The following MTUS1 variants were observed in gnomAD, a reference collection of about 807,000 sequenced individuals.
MTUS1 encodes the protein microtubule associated scaffold protein 1.
A neutral mutation model predicts 120.8 loss-of-function variants in MTUS1; 109 were observed. That is an observed-to-expected ratio of 0.90 (90% CI 0.77 to 1.06). The LOEUF is 1.06. Ranked by LOEUF, MTUS1 falls within the 50% of genes least tolerant of loss-of-function variation. The probability of loss-of-function intolerance (pLI) is 0.00; values close to 1 mark genes in which losing one functional copy is unlikely to be tolerated. For synonymous variants in MTUS1, 737 were observed against 550.5 expected (o/e 1.34, Z -4.74); for missense variants, 2,210 against 1,486.3 (o/e 1.49, Z -8.01).
intron 6 of MTUS1, among the ~76,000 whole-genome samples, chr8:17,693,877 C>T (rs1216035204): frequency 1.3e-5 from 2 of 152,128 alleles, no homozygotes; most frequent in East Asian, 1.9e-4. Context: ...ACTCATCTAA[C>T]GGGTACTTCT....
rs1806599712 is a variant in MTUS1, at chr8:17,649,838, A to T, written c.3501+8T>A. 1 of 1,442,690 alleles carries T rather than the reference A, an allele frequency of 6.9e-7. No individual in the cohort carries two copies. Among genetic ancestry groups the T allele is most frequent in the East Asian group, 2.3e-5 (1 of 44,016 alleles). The allele number at this position is 1,442,690 out of a possible 1,614,324, so 89.4% of individuals were successfully genotyped here. A position where few individuals can be genotyped will look rare whatever the true frequency, so the allele number is the denominator to read the frequency against. ...GTAAGATCCTCTTTCATTCTGAAGG[A>T]AACATACCAGTTTCTCCATTTTCAT... On this transcript the variant is annotated splice_region_variant and intron_variant, in intron 13 of 14. Coordinates refer to ENST00000693296, the MANE Select transcript of MTUS1 (RefSeq NM_001363059.2).
Position 17,755,094 on chromosome 8 carries a change from G to A in MTUS1, c.714C>T (p.Ala238=). The change falls in exon 2 of 15, where the codon GCC becomes GCT. Residue 238 remains alanine, a synonymous_variant. Coordinates refer to ENST00000693296, the MANE Select transcript of MTUS1 (RefSeq NM_001363059.2). ...FENPQVTPSE[A]QDMTYTAFSD... Reference sequence around the variant, plus strand: ...AAAATGCTGTGTAAGTCATGTCTTGGGCTTCTGATGGTGTGACTTGAGGGT... The same window carrying A: ...AAAATGCTGTGTAAGTCATGTCTTGAGCTTCTGATGGTGTGACTTGAGGGT... 1.9e-6 allele frequency: 3 copies of A among 1,613,810 alleles called. No homozygotes were observed. Among genetic ancestry groups the A allele is most frequent in the Non-Finnish European group, 2.5e-6 (3 of 1,180,026 alleles).
chr8:17,654,751 T>A (rs1326451163), intron 9 of MTUS1, 85 bp from the exon 10 acceptor site: 2 of 869,718 alleles, frequency 2.3e-6, no homozygotes, highest in African/African-American at 3.3e-5. Flanking sequence ...TTAGGAGACG[T>A]CACAGCTTCA....
intron 3 of MTUS1, among the ~76,000 whole-genome samples, chr8:17,732,754 A>G (rs1300447335): frequency 1.3e-5 from 2 of 151,958 alleles, no homozygotes; most frequent in Non-Finnish European, 2.9e-5. Flanking sequence ...TCCATTGCTC[A>G]CACCAACATG....
chr8:17,768,507 G>A (rs765809306), intron 1 of MTUS1, among the ~76,000 whole-genome samples: 8 of 148,428 alleles, frequency 5.4e-5, no homozygotes, highest in Non-Finnish European at 8.9e-5. Flanking sequence ...AGAAAGCTAT[G>A]AGAGAAACTC....
intron 4 of MTUS1, among the ~76,000 whole-genome samples, chr8:17,720,980 T>C (rs922929944): frequency 2.0e-5 from 3 of 152,172 alleles, no homozygotes; most frequent in Non-Finnish European, 4.4e-5. Context: ...TTTGATTTGG[T>C]CATTTAAAAA....
At chr8:17,752,615 C>T (rs2048285765) in intron 2 of MTUS1, among the ~76,000 whole-genome samples, 1 of 151,016 alleles carries the variant, frequency 6.6e-6, no homozygotes, top group South Asian at 2.1e-4. Flanking sequence ...CTAAACGGAC[C>T]TGACAATTCC....
intron 1 of MTUS1, among the ~76,000 whole-genome samples, chr8:17,797,536 CG>C (rs1434522222): frequency 6.6e-6 from 1 of 152,162 alleles, no homozygotes; most frequent in African/African-American, 2.4e-5. Context: ...GTAGGCTTTT[CG>C]GGGCCAGATT....
intron 3 of MTUS1, among the ~76,000 whole-genome samples, chr8:17,741,647 T>C (rs570844910): frequency 5.8e-4 from 89 of 152,346 alleles, no homozygotes; most frequent in African/African-American, 2.1e-3. Context: ...TGGGTGGGAC[T>C]GATCGCCTAC....
intron 1 of MTUS1, 131 bp from the exon 2 acceptor site, chr8:17,756,092 G>A (rs758924496): frequency 2.7e-5 from 10 of 366,640 alleles, no homozygotes; most frequent in Admixed American, 4.6e-5. Flanking sequence ...TACTGATGTG[G>A]GTAACTGAGA....
chr8:17,795,432 C>T (rs1032795790), intron 1 of MTUS1, among the ~76,000 whole-genome samples: 14 of 152,196 alleles, frequency 9.2e-5, no homozygotes, highest in Non-Finnish European at 1.8e-4. Context: ...ATAAGGTACA[C>T]ATTTATGCAT....
At chr8:17,704,779 G>C (rs975964379) in intron 6 of MTUS1, among the ~76,000 whole-genome samples, 2 of 152,012 alleles carry the variant, frequency 1.3e-5, no homozygotes, top group Admixed American at 6.6e-5. Context: ...TTTTGGGATT[G>C]TTTTTTCTAT....
At position 17,739,705 on chromosome 8, in the gene MTUS1, T is replaced by C. The variant is rs113125454; in HGVS notation, c.2287+3899A>G. Reference sequence around the variant, plus strand: ...ATAAAATAGGGATAAGCCTCAAAGTTACTGTGAGGATTAAATGAATTTATA... The same window carrying C: ...ATAAAATAGGGATAAGCCTCAAAGTCACTGTGAGGATTAAATGAATTTATA... On this transcript the variant is annotated intron_variant, in intron 3 of 14. Transcript: ENST00000693296. Among the ~76,000 whole-genome samples the C allele has an allele frequency of 1.5e-3, 235 of 152,302 alleles. 5 individuals carry two copies. Among genetic ancestry groups the C allele is most frequent in the African/African-American group, 5.5e-3 (229 of 41,574 alleles).
chr8:17,752,158 A>T (rs1457894569), intron 2 of MTUS1, among the ~76,000 whole-genome samples: 6 of 152,164 alleles, frequency 3.9e-5, no homozygotes, highest in African/African-American at 1.4e-4. Flanking sequence ...TGCACAAATC[A>T]GGAAAACTTT....
chr8:17,673,871 GAA>G (rs1198740577), intron 8 of MTUS1, among the ~76,000 whole-genome samples: 7 of 152,000 alleles, frequency 4.6e-5, no homozygotes, highest in African/African-American at 1.7e-4. Context: ...TTGTCCAAAA[GAA>G]AAAAGGGCAG....
chr8:17,801,108 G>A (rs976558774), upstream of MTUS1, among the ~76,000 whole-genome samples: 1 of 150,860 alleles, frequency 6.6e-6, no homozygotes, highest in Admixed American at 6.6e-5. Flanking sequence ...GAGGCGGGGA[G>A]GGCTGGCGCC....
chr8:17,772,438 G>C (rs1384024839), intron 1 of MTUS1, among the ~76,000 whole-genome samples: 3 of 152,126 alleles, frequency 2.0e-5, no homozygotes, highest in Non-Finnish European at 4.4e-5. Context: ...GATTTAAAGA[G>C]ATTCATAATT....
intron 6 of MTUS1, among the ~76,000 whole-genome samples, chr8:17,699,124 A>G (rs933286683): frequency 7.2e-5 from 11 of 152,180 alleles, no homozygotes; most frequent in African/African-American, 2.7e-4. Flanking sequence ...CAGACATGCC[A>G]CCACTCCATA....
At chr8:17,710,274 AC>A (rs1217762248) in intron 6 of MTUS1, among the ~76,000 whole-genome samples, 1 of 152,144 alleles carries the variant, frequency 6.6e-6, no homozygotes, top group Admixed American at 6.6e-5. Flanking sequence ...ATAGCATTTT[AC>A]CCACAGCAGA....
Sources: gnomAD v4.1 joint callset for allele counts (sites outside exome capture counted in the v4.1 genomes callset) on GRCh38, gnomAD v4.1.1 for gene constraint, MANE v1.5 for transcripts, NCBI Gene and HGNC (gene_info 2026-07-23, HGNC 2026-07-21) for gene names.